The following CDKN2B-AS1 variants were observed in gnomAD, a reference collection of about 807,000 sequenced individuals.
The protein encoded by CDKN2B-AS1 is CDKN2B antisense RNA 1 (non-protein coding).
chr9:22,091,826 C>T (rs1417270260), intron 4 of CDKN2B-AS1, among the ~76,000 whole-genome samples: 5 of 152,156 alleles, frequency 3.3e-5, no homozygotes, highest in Non-Finnish European at 7.3e-5. Context: ...CCTTCTCCTG[C>T]CTGATTGCCG....
intron 4 of CDKN2B-AS1, among the ~76,000 whole-genome samples, chr9:22,116,626 A>C (rs546063968): frequency 1.3e-5 from 2 of 152,170 alleles, no homozygotes; most frequent in Non-Finnish European, 2.9e-5. Flanking sequence ...GGAAACAGCA[A>C]TGGCAAATAC....
At chr9:22,031,434 G>A (rs1321677880) in intron 1 of CDKN2B-AS1, among the ~76,000 whole-genome samples, 2 of 152,148 alleles carry the variant, frequency 1.3e-5, no homozygotes, top group South Asian at 2.1e-4. Context: ...TTTTAAAGAT[G>A]AGAAAAGCAG....
intron 4 of CDKN2B-AS1, among the ~76,000 whole-genome samples, chr9:22,124,524 CTCTT>C (rs1304510499): frequency 6.6e-6 from 1 of 152,200 alleles, no homozygotes; most frequent in Non-Finnish European, 1.5e-5. Flanking sequence ...TTCTCTCTCT[CTCTT>C]TAATTGTAAC....
intron 4 of CDKN2B-AS1, among the ~76,000 whole-genome samples, chr9:22,114,370 G>T (rs1179079948): frequency 6.6e-6 from 1 of 152,174 alleles, no homozygotes; most frequent in African/African-American, 2.4e-5. Context: ...GGTCCTCTGA[G>T]AGAAAGATGT....
At chr9:22,112,799 G>C (rs1479872974) in intron 4 of CDKN2B-AS1, among the ~76,000 whole-genome samples, 1 of 152,084 alleles carries the variant, frequency 6.6e-6, no homozygotes. Context: ...ATCAATGTGA[G>C]AAAATGAGAG....
At chr9:22,097,962 G>T (rs79266187) in intron 4 of CDKN2B-AS1, among the ~76,000 whole-genome samples, 1 of 152,054 alleles carries the variant, frequency 6.6e-6, no homozygotes, top group Non-Finnish European at 1.5e-5. Flanking sequence ...AAGCTTTTAC[G>T]TCTTGCTGAT....
intron 3 of CDKN2B-AS1, among the ~76,000 whole-genome samples, chr9:22,053,342 T>A (rs796847061): frequency 2.0e-5 from 3 of 151,950 alleles, no homozygotes; most frequent in African/African-American, 7.2e-5. Context: ...CATGAAAGAG[T>A]GATTAGTTTT....
chr9:22,118,930 T>C (rs1258320996), intron 4 of CDKN2B-AS1: 2 of 152,060 alleles, frequency 1.3e-5, no homozygotes, highest in East Asian at 3.8e-4. Context: ...AAGAAGAAAG[T>C]TCTTATTTAG....
In CDKN2B-AS1 at chr9:22,024,494, C is replaced by G. The variant is rs533612929; in HGVS notation, n.30-22257C>G. Among the ~76,000 whole-genome samples, 5 of 152,268 alleles carry G rather than the reference C, an allele frequency of 3.3e-5. No individual in the cohort carries two copies. In the East Asian group the frequency reaches 9.6e-4, roughly 29 times the overall value. On this transcript the variant is annotated intron_variant and non_coding_transcript_variant, in intron 1 of 4. Coordinates refer to ENST00000650946, the Ensembl canonical transcript of CDKN2B-AS1. Reference sequence around the variant, plus strand: ...GTGTTGGTTTGGTGAGAGGCACTGACCAGTGCAGATCTGAGTGCCTTCTTG... The same window carrying G: ...GTGTTGGTTTGGTGAGAGGCACTGAGCAGTGCAGATCTGAGTGCCTTCTTG...
At chr9:22,081,652 C>A (rs1021713998) in intron 4 of CDKN2B-AS1, among the ~76,000 whole-genome samples, 1 of 152,196 alleles carries the variant, frequency 6.6e-6, no homozygotes, top group Non-Finnish European at 1.5e-5. Flanking sequence ...TGAAACTCCC[C>A]CTTCAAGTGC....
chr9:22,033,168 C>G (rs912890314), intron 1 of CDKN2B-AS1, among the ~76,000 whole-genome samples: 2 of 152,076 alleles, frequency 1.3e-5, no homozygotes, highest in Admixed American at 1.3e-4. Flanking sequence ...CAGAGCACCC[C>G]CCACCCACCT....
intron 4 of CDKN2B-AS1, chr9:22,120,184 G>A (rs1394941708): frequency 1.3e-5 from 2 of 152,044 alleles, no homozygotes; most frequent in African/African-American, 4.8e-5. Context: ...TTCTTTCCTT[G>A]TCTCGTTCTT....
intron 2 of CDKN2B-AS1, among the ~76,000 whole-genome samples, chr9:22,048,435 T>C (rs1823200480): frequency 6.6e-6 from 1 of 152,174 alleles, no homozygotes; most frequent in East Asian, 1.9e-4. Flanking sequence ...TTCCATTGAA[T>C]TGCATGGAAG....
chr9:22,067,524 G>T (rs1824101157), intron 4 of CDKN2B-AS1, among the ~76,000 whole-genome samples: 1 of 150,708 alleles, frequency 6.6e-6, no homozygotes, highest in Non-Finnish European at 1.5e-5. Flanking sequence ...AAAATAAAAA[G>T]AACACACACA....
intron 1 of CDKN2B-AS1, chr9:22,003,988 G>A (rs2131174211): frequency 8.6e-6 from 2 of 232,756 alleles, no homozygotes; most frequent in South Asian, 3.6e-4. Flanking sequence ...GGAACTAGAT[G>A]CACTTCTTTG....
At chr9:22,068,409 C>G (rs1170727580) in intron 4 of CDKN2B-AS1, among the ~76,000 whole-genome samples, 1 of 152,038 alleles carries the variant, frequency 6.6e-6, no homozygotes, top group Non-Finnish European at 1.5e-5. Context: ...GAATTTGGAA[C>G]TGAAAGAAAA....
chr9:22,011,322 A>G (rs1173665949), intron 1 of CDKN2B-AS1, among the ~76,000 whole-genome samples: 1 of 152,270 alleles, frequency 6.6e-6, no homozygotes, highest in Non-Finnish European at 1.5e-5. Flanking sequence ...TATAAAGAAT[A>G]TTATATAGTC....
At chr9:22,055,318 T>G (rs912523144) in intron 3 of CDKN2B-AS1, among the ~76,000 whole-genome samples, 1 of 152,236 alleles carries the variant, frequency 6.6e-6, no homozygotes, top group African/African-American at 2.4e-5. Flanking sequence ...AATATTCTGC[T>G]GTTTGACTTT....
chr9:22,070,638 T>G (rs1824249817), intron 4 of CDKN2B-AS1, among the ~76,000 whole-genome samples: 1 of 152,090 alleles, frequency 6.6e-6, no homozygotes, highest in African/African-American at 2.4e-5. Context: ...ATGACAACAT[T>G]GTACATGAAG....
Sources: allele counts gnomAD v4.1 joint callset (sites outside exome capture counted in the v4.1 genomes callset), GRCh38; gene constraint gnomAD v4.1.1; transcripts MANE v1.5; gene names NCBI Gene and HGNC (gene_info 2026-07-23, HGNC 2026-07-21).